SLC36A2: variants seen among roughly 807,000 people sequenced by gnomAD.
SLC36A2 encodes proton-coupled amino acid transporter 2.
In SLC36A2, 39 loss-of-function variants were observed where a neutral mutation model predicts 42.7. That is an observed-to-expected ratio of 0.91 (90% confidence interval 0.71 to 1.19). SLC36A2 has a LOEUF of 1.19. SLC36A2 is among the 50% of genes most tolerant of loss of function. SLC36A2 has a pLI of 0.00. For synonymous variants in SLC36A2, 237 were observed against 240.8 expected, an observed-to-expected ratio of 0.98 and a Z score of 0.15; for missense variants, 590 against 613.7, an observed-to-expected ratio of 0.96 and a Z score of 0.41.
Position 151,316,962 on chromosome 5 carries a change from A to T in SLC36A2, c.1307T>A (p.Met436Lys). 1.2e-6 allele frequency: 2 copies of T among 1,614,064 alleles called. No individual in the cohort carries two copies. Among genetic ancestry groups the T allele is most frequent in the Non-Finnish European group, 1.7e-6 (2 of 1,180,004 alleles). ...GTCCTTGAAGATGGTGAGGGGGCTC[A>T]TGCCCTCTGAGTAGAACGTGGTGAC... ...LEVTTFYSEG[M>K]SPLTIFKDAL... is the part of the protein sequence containing the mutation. Residue 436 changes from methionine (M) to lysine (K), a missense_variant, in exon 10 of 10, where the codon ATG (methionine) becomes AAG (lysine). Met to Lys is a moderately conservative substitution (Grantham distance 95). Transcript: ENST00000335244.
rs1158887588 is a variant in SLC36A2, at chr5:151,315,808, T to C, written c.*1009A>G. On this transcript the variant is annotated 3_prime_UTR_variant, in exon 10 of 10. Transcript: ENST00000335244. ...CACAGTAGGTAATCAAGAATGCATG[T>C]TGCAAGAATTAAGAGGTAAAGTCTA... 6.6e-6 allele frequency: 1 copy of C among 152,244 alleles called. No homozygotes were observed. Among genetic ancestry groups the C allele is most frequent in the Non-Finnish European group, 1.5e-5 (1 of 68,054 alleles). 9.4% of individuals were successfully genotyped at this position (152,244 alleles called of 1,614,324 possible).
intron 9 of SLC36A2, 71 bp downstream of exon 9, chr5:151,321,975 G>GC (rs1755705929): frequency 1.3e-6 from 2 of 1,594,898 alleles, no homozygotes; most frequent in Admixed American, 3.3e-5. Flanking sequence ...AATGCATCCG[G>GC]CCCATCTGGC....
chr5:151,324,771 G>T (rs1755804357), intron 8 of SLC36A2, among the ~76,000 whole-genome samples: 1 of 152,182 alleles, frequency 6.6e-6, no homozygotes, highest in Admixed American at 6.5e-5. Flanking sequence ...AAGCAGCTGG[G>T]ACTACAGGTA....
Position 151,347,308 on chromosome 5 carries a change from G to T in SLC36A2, c.153C>A (p.Thr51=). 1 of 1,613,958 alleles carries T rather than the reference G, an allele frequency of 6.2e-7. No individual in the cohort carries two copies. Among genetic ancestry groups the T allele is most frequent in the Non-Finnish European group, 8.5e-7 (1 of 1,179,882 alleles). ...AAAACAGCACTCACGTTATGCCCTT[G>T]GTCTTCTTCAAGCCTGCTGACTCTG... is the stretch of plus-strand genomic sequence containing the variant. ...SPSESAGLKK[T]KGITVFQALI... The change falls in exon 1 of 10, where the codon ACC becomes ACA. Residue 51 remains threonine, a synonymous_variant. Coordinates refer to ENST00000335244, the MANE Select transcript of SLC36A2 (RefSeq NM_181776.3).
At chr5:151,330,784 A>G (rs1333788273) in intron 7 of SLC36A2, among the ~76,000 whole-genome samples, 1 of 152,220 alleles carries the variant, frequency 6.6e-6, no homozygotes, top group Non-Finnish European at 1.5e-5. Flanking sequence ...GCCCTATGTA[A>G]TTGTAAAATT....
In SLC36A2 at chr5:151,335,493, T is replaced by G. The variant is rs1349157259; in HGVS notation, c.580A>C (p.Ile194Leu). 6.2e-7 allele frequency: 1 copy of G among 1,614,044 alleles called. No individual in the cohort carries two copies. The highest frequency in any genetic ancestry group is 8.5e-7 in the Non-Finnish European group (1 of 1,179,978). The change falls in exon 6 of 10, where the codon ATT (isoleucine) becomes CTT (leucine). Residue 194 changes from isoleucine to leucine, a missense_variant. Physicochemically the swap from Ile to Leu is conservative, Grantham distance 5. Coordinates refer to ENST00000335244, the MANE Select transcript of SLC36A2 (RefSeq NM_181776.3). ...CGCGAGTCCATGGTGGGGGTCAGAATCACCGTCTCATTGGAATAGCAGTTG... is the reference window on the plus strand; with the variant it reads ...CGCGAGTCCATGGTGGGGGTCAGAAGCACCGTCTCATTGGAATAGCAGTTG... ...TNNCYSNETV[I>L]LTPTMDSRLY... is the part of the protein sequence containing the mutation.
At chr5:151,318,229 T>TA (rs1755560456) in intron 9 of SLC36A2, among the ~76,000 whole-genome samples, 1 of 151,968 alleles carries the variant, frequency 6.6e-6, no homozygotes, top group Admixed American at 6.6e-5. Context: ...TTTGGATCCT[T>TA]ACATATCCAA....
At chr5:151,340,727 T>C (rs1272780768) in intron 4 of SLC36A2, among the ~76,000 whole-genome samples, 1 of 152,150 alleles carries the variant, frequency 6.6e-6, no homozygotes, top group African/African-American at 2.4e-5. Flanking sequence ...AGAAGGTCTT[T>C]TAGGACATTG....
Position 151,347,304 on chromosome 5 carries a change from C to T in SLC36A2, c.157G>A (p.Gly53Ser), listed in dbSNP as rs1756524286. ...SESAGLKKTK[G>S]ITVFQALIHL... ...GCAGAAAACAGCACTCACGTTATGC[C>T]CTTGGTCTTCTTCAAGCCTGCTGAC... The change falls in exon 1 of 10, where the codon GGC becomes AGC. Residue 53 changes from glycine to serine, a missense_variant. Transcript: ENST00000335244. 8 of 1,614,170 alleles carry T rather than the reference C, an allele frequency of 5.0e-6. No individual in the cohort carries two copies. In the South Asian group the frequency reaches 8.8e-5, roughly 18 times the overall value.
intron 4 of SLC36A2, among the ~76,000 whole-genome samples, chr5:151,340,266 GGAA>G (rs1010703037): frequency 1.1e-4 from 17 of 147,996 alleles, no homozygotes; most frequent in Admixed American, 2.0e-4. Flanking sequence ...AGGAGGAGGT[GGAA>G]GAAGAACTAA....
intron 7 of SLC36A2, among the ~76,000 whole-genome samples, chr5:151,325,902 G>C (rs575368722): frequency 6.6e-6 from 1 of 152,148 alleles, no homozygotes; most frequent in Non-Finnish European, 1.5e-5. Flanking sequence ...TGTTTAATGG[G>C]TACAGAGTTT....
At chr5:151,331,502 A>G (rs967744196) in intron 7 of SLC36A2, among the ~76,000 whole-genome samples, 7 of 151,670 alleles carry the variant, frequency 4.6e-5, no homozygotes, top group African/African-American at 1.5e-4. Flanking sequence ...TTTTTTTTGC[A>G]GAGACAGGGT....
intron 1 of SLC36A2, among the ~76,000 whole-genome samples, chr5:151,345,558 AG>A (rs1269347024): frequency 1.3e-5 from 2 of 152,146 alleles, no homozygotes; most frequent in Admixed American, 6.5e-5. Context: ...CGAGGGAGAA[AG>A]GGGGTGGAGA....
intron 8 of SLC36A2, among the ~76,000 whole-genome samples, chr5:151,324,960 C>T (rs763423528): frequency 1.3e-5 from 2 of 152,150 alleles, no homozygotes. Context: ...GGCCACCTCC[C>T]GACTCCTCTC....
Position 151,322,129 on chromosome 5 carries a change from A to T in SLC36A2, c.1097T>A (p.Ile366Asn). The change falls in exon 9 of 10, where the codon ATC becomes AAC. Residue 366 changes from isoleucine (I) to asparagine (N), a missense_variant. Physicochemically the swap from Ile to Asn is moderately radical, Grantham distance 149 (BLOSUM62 -3). Coordinates refer to ENST00000335244, the MANE Select transcript of SLC36A2 (RefSeq NM_181776.3). ...LQFYVPAEII[I>N]PFAISRVSTR... ...TGACACCCGGGAGATGGCAAAGGGG[A>T]TGATGATTTCTGCAGGGACGTAGAA... is the stretch of plus-strand genomic sequence containing the variant. The T allele has an allele frequency of 6.2e-7, 1 of 1,614,114 alleles. No homozygotes were observed. Among genetic ancestry groups the T allele is most frequent in the Non-Finnish European group, 8.5e-7 (1 of 1,180,016 alleles).
chr5:151,319,968 A>G (rs1013779124), intron 9 of SLC36A2, among the ~76,000 whole-genome samples: 2 of 152,200 alleles, frequency 1.3e-5, no homozygotes, highest in Non-Finnish European at 2.9e-5. Context: ...ACTTATCTAT[A>G]GATTTTCTTT....
intron 1 of SLC36A2, among the ~76,000 whole-genome samples, chr5:151,345,285 G>A (rs1756461272): frequency 6.6e-6 from 1 of 152,114 alleles, no homozygotes; most frequent in Non-Finnish European, 1.5e-5. Context: ...AACAACAGAG[G>A]TACTCTGAAA....
chr5:151,338,850 C>A, intron 5 of SLC36A2: 1 of 465,716 alleles, frequency 2.1e-6, no homozygotes, highest in Admixed American at 2.8e-5. Flanking sequence ...GAGAACAGGT[C>A]TAAGATACCG....
intron 5 of SLC36A2, among the ~76,000 whole-genome samples, chr5:151,337,231 A>G (rs536617948): frequency 6.6e-6 from 1 of 152,152 alleles, no homozygotes; most frequent in African/African-American, 2.4e-5. Context: ...GCAATCCCAT[A>G]TGTTCCTGCC....
Sources: gnomAD v4.1 joint callset for allele counts (sites outside exome capture counted in the v4.1 genomes callset) on GRCh38, gnomAD v4.1.1 for gene constraint, MANE v1.5 for transcripts, NCBI Gene and HGNC (gene_info 2026-07-23, HGNC 2026-07-21) for gene names.